The following SEC22C variants were observed in gnomAD, a reference collection of about 807,000 sequenced individuals.
The protein encoded by SEC22C is vesicle-trafficking protein SEC22c.
A neutral mutation model predicts 34.7 loss-of-function variants in SEC22C; 29 were observed. The ratio of observed to expected loss-of-function variants is 0.84; its 90% CI spans 0.62 to 1.14. The LOEUF (loss-of-function observed/expected upper bound fraction) is 1.14, where lower values mean the gene tolerates loss of function less well. SEC22C is among the 50% of genes most tolerant of loss of function. The probability of loss-of-function intolerance (pLI) is 0.00; values close to 1 mark genes in which losing one functional copy is unlikely to be tolerated. For missense variants in SEC22C, 337 were observed against 369.0 expected, an observed-to-expected ratio of 0.91 and a Z score of 0.71; for synonymous variants, 117 against 132.8, an observed-to-expected ratio of 0.88 and a Z score of 0.82.
At chr3:42,600,898 G>C (rs1029381551) in intron 1 of SEC22C, 2 of 803,902 alleles carry the variant, frequency 2.5e-6, no homozygotes, top group Admixed American at 8.2e-5. Context: ...ACCGTGGCGC[G>C]GACTTCGTCT....
intron 1 of SEC22C, 130 bp from the exon 2 acceptor site, chr3:42,569,203 G>A: frequency 3.1e-6 from 2 of 644,884 alleles, no homozygotes; most frequent in Non-Finnish European, 5.5e-6. Context: ...TGCTTTTATT[G>A]TTATTTCCCT....
intron 6 of SEC22C, 28 bp downstream of exon 6, chr3:42,555,902 C>G: frequency 6.4e-7 from 1 of 1,566,678 alleles, no homozygotes; most frequent in Non-Finnish European, 8.8e-7. Context: ...TGGATTTAAT[C>G]CACTGACCAA....
At position 42,549,598 on chromosome 3, in the gene SEC22C, G is replaced by A. The variant is rs1469694516; in HGVS notation, c.*3650C>T. 4.1e-6 allele frequency: 4 copies of A among 985,280 alleles called. No individual in the cohort carries two copies. In the African/African-American group the frequency reaches 7.0e-5, roughly 17 times the overall value. 61.0% of individuals were successfully genotyped at this position (985,280 alleles called of 1,614,324 possible). ...TCCAAGACTTGACTCCCAGGCATGG[G>A]TGGGAGAGTTGAACCTCAATGCAAT... On this transcript the variant is annotated 3_prime_UTR_variant, in exon 7 of 7. Transcript: ENST00000264454.
In SEC22C at chr3:42,552,627, C is replaced by T. The variant is rs996163629; in HGVS notation, c.*621G>A. 23 of 984,056 alleles carry T rather than the reference C, an allele frequency of 2.3e-5. No individual in the cohort carries two copies. In the South Asian group the frequency reaches 5.6e-4, roughly 24 times the overall value. The allele number at this position is 984,056 out of a possible 1,614,324, so 61.0% of individuals were successfully genotyped here. A position where few individuals can be genotyped will look rare whatever the true frequency, so the allele number is the denominator to read the frequency against. On this transcript the variant is annotated 3_prime_UTR_variant, in exon 7 of 7. Transcript: ENST00000264454. ...ATTAAATAAACTCAGATTTCTTAAC[C>T]ATTTTCTCAGCTTAAGTTTGCCCTC...
At chr3:42,596,252 C>T (rs1425901609) in intron 1 of SEC22C, among the ~76,000 whole-genome samples, 3 of 152,120 alleles carry the variant, frequency 2.0e-5, no homozygotes, top group Non-Finnish European at 4.4e-5. Flanking sequence ...GTACTCACGA[C>T]CTCAGGTGAT....
intron 1 of SEC22C, among the ~76,000 whole-genome samples, chr3:42,592,012 C>G (rs1272006064): frequency 6.6e-6 from 1 of 152,132 alleles, no homozygotes; most frequent in Non-Finnish European, 1.5e-5. Context: ...AGCTTCCTCT[C>G]ATTTCTAACT....
At chr3:42,590,362 AGAT>A (rs1704776562) in intron 1 of SEC22C, among the ~76,000 whole-genome samples, 2 of 152,152 alleles carry the variant, frequency 1.3e-5, no homozygotes, top group Non-Finnish European at 2.9e-5. Context: ...TCCTGCAGAT[AGAT>A]TGAGTATGCA....
upstream of SEC22C, among the ~76,000 whole-genome samples, chr3:42,586,672 C>T (rs1704622162): frequency 6.6e-6 from 1 of 151,950 alleles, no homozygotes; most frequent in African/African-American, 2.4e-5. Context: ...GTCTCCATTG[C>T]AGCTTCTTTT....
Position 42,555,919 on chromosome 3 carries a change from G to A in SEC22C, c.711+11C>T, listed in dbSNP as rs201509263. ...GATTTAATCCACTGACCAAAATATC[G>A]TTTCACCCACCTGGAAAATGCAGGC... is the stretch of plus-strand genomic sequence containing the variant. On this transcript the variant is annotated intron_variant, in intron 6 of 6. Coordinates refer to ENST00000264454, the MANE Select transcript of SEC22C (RefSeq NM_032970.4). The A allele has an allele frequency of 2.4e-5, 39 of 1,608,734 alleles. No individual in the cohort carries two copies. Among genetic ancestry groups the A allele is most frequent in the Non-Finnish European group, 3.0e-5 (35 of 1,175,580 alleles).
chr3:42,553,208 CAAAAG>C lies in SEC22C; in HGVS notation c.*35_*39del. 1 of 1,607,640 alleles carries C rather than the reference CAAAAG, an allele frequency of 6.2e-7. No homozygotes were observed. Among genetic ancestry groups the C allele is most frequent in the Non-Finnish European group, 8.5e-7 (1 of 1,177,556 alleles). The stretch of plus-strand genomic sequence containing the variant: ...AGAAAGAGAAACATAGATTGATCCT[CAAAAG>C]AAAATCAAAGAATCCATTCATCACA... On this transcript the variant is annotated 3_prime_UTR_variant, in exon 7 of 7. Coordinates refer to ENST00000264454, the MANE Select transcript of SEC22C (RefSeq NM_032970.4).
rs898255010 is a variant in SEC22C, at chr3:42,549,539, T to G, written c.*3709A>C. The G allele has an allele frequency of 1.0e-6, 1 of 978,464 alleles. No homozygotes were observed. The highest frequency in any genetic ancestry group is 1.2e-6 in the Non-Finnish European group (1 of 829,426). 60.6% of individuals were successfully genotyped at this position (978,464 alleles called of 1,614,324 possible). A position where few individuals can be genotyped will look rare whatever the true frequency, so the allele number is the denominator to read the frequency against. ...TGGCCTGCTGGCTATTGTCTCTGACTCTGAGCTGTGCTGACCACCAAGTGT... is the reference window on the plus strand; with the variant it reads ...TGGCCTGCTGGCTATTGTCTCTGACGCTGAGCTGTGCTGACCACCAAGTGT... On this transcript the variant is annotated 3_prime_UTR_variant, in exon 7 of 7. Coordinates refer to ENST00000264454, the MANE Select transcript of SEC22C (RefSeq NM_032970.4).
rs1430655386 is a variant in SEC22C, at chr3:42,550,317, C to G, written c.*2931G>C. On this transcript the variant is annotated 3_prime_UTR_variant, in exon 7 of 7. Transcript: ENST00000264454. ...AGGTAGCATTTAACTACTGGGAAAA[C>G]AAAAGTGCTACAACAACAGTGAGTC... 1.0e-6 allele frequency: 1 copy of G among 985,306 alleles called. No homozygotes were observed. Among genetic ancestry groups the G allele is most frequent in the Non-Finnish European group, 1.2e-6 (1 of 829,930 alleles). 61.0% of individuals were successfully genotyped at this position (985,306 alleles called of 1,614,324 possible).
At chr3:42,591,201 C>CTTTTTT (rs71616053) in intron 1 of SEC22C, 59,420 of 474,196 alleles carry the variant, frequency 0.13, 4,247 homozygotes, top group African/African-American at 0.29. Flanking sequence ...CCTTTCTCTC[C>CTTTTTT]TTTTTTTTTT....
rs750160567 is a variant in SEC22C at position 42,550,110 on chromosome 3, G to A, written c.*3138C>T. The A allele has an allele frequency of 1.3e-5, 13 of 985,374 alleles. No individual in the cohort carries two copies. The highest frequency in any genetic ancestry group is 1.0e-4 in the African/African-American group (6 of 57,246). The allele number at this position is 985,374 out of a possible 1,614,324, so 61.0% of individuals were successfully genotyped here. On this transcript the variant is annotated 3_prime_UTR_variant, in exon 7 of 7. Transcript: ENST00000264454. Reference sequence around the variant, plus strand: ...GGGAAACCTTTTGGGCTCTGGCCCCGTGGTTGGGAAACCCTTCCTAAGAGC... The same window carrying A: ...GGGAAACCTTTTGGGCTCTGGCCCCATGGTTGGGAAACCCTTCCTAAGAGC...
intron 3 of SEC22C, among the ~76,000 whole-genome samples, chr3:42,561,967 G>C (rs750171354): frequency 6.7e-5 from 10 of 149,734 alleles, no homozygotes; most frequent in Non-Finnish European, 1.3e-4. Context: ...GAAAAATGGA[G>C]ACAGTTATTC....
At chr3:42,571,795 C>A (rs1012202069) in intron 1 of SEC22C, among the ~76,000 whole-genome samples, 2 of 152,064 alleles carry the variant, frequency 1.3e-5, no homozygotes, top group Admixed American at 6.6e-5. Flanking sequence ...CTTGAAATAC[C>A]CTGGACATTA....
At chr3:42,588,073 A>AAAAAAC in intron 1 of SEC22C, among the ~76,000 whole-genome samples, 1 of 151,532 alleles carries the variant, frequency 6.6e-6, no homozygotes, top group Admixed American at 6.6e-5. Flanking sequence ...AACTGTCTCA[A>AAAAAAC]AAAAACAAAA....
At chr3:42,593,223 G>T (rs1704914381) in intron 1 of SEC22C, among the ~76,000 whole-genome samples, 1 of 152,086 alleles carries the variant, frequency 6.6e-6, no homozygotes, top group South Asian at 2.1e-4. Flanking sequence ...TACCAGCCTG[G>T]CCAACATGGC....
intron 1 of SEC22C, among the ~76,000 whole-genome samples, chr3:42,588,698 TG>T (rs927517290): frequency 6.6e-6 from 1 of 151,742 alleles, no homozygotes; most frequent in Non-Finnish European, 1.5e-5. Flanking sequence ...CTTTCACAGG[TG>T]GGAGGATTGT....
Sources: gnomAD v4.1 joint callset for allele counts (sites outside exome capture counted in the v4.1 genomes callset) on GRCh38, gnomAD v4.1.1 for gene constraint, MANE v1.5 for transcripts, NCBI Gene and HGNC (gene_info 2026-07-23, HGNC 2026-07-21) for gene names.